Variants in QSOX2 observed in about 807,000 individuals in gnomAD.
QSOX2 encodes sulfhydryl oxidase 2.
QSOX2 carries 46 observed loss-of-function variants against 61.7 expected under a neutral mutation model. That is an observed-to-expected ratio of 0.75 (90% CI 0.59 to 0.95). The LOEUF (loss-of-function observed/expected upper bound fraction) is 0.95, where lower values mean the gene tolerates loss of function less well. Ranked by LOEUF, QSOX2 falls within the 40% of genes least tolerant of loss-of-function variation. The pLI, the probability that QSOX2 is intolerant of heterozygous loss-of-function variation, is 0.00. For missense variants in QSOX2, 879 were observed against 918.9 expected, an observed-to-expected ratio of 0.96 and a Z score of 0.56; for synonymous variants, 383 against 388.4, an observed-to-expected ratio of 0.99 and a Z score of 0.16.
At chr9:136,213,582 C>T (rs565698682) in intron 10 of QSOX2, among the ~76,000 whole-genome samples, 70 of 151,940 alleles carry the variant, frequency 4.6e-4, no homozygotes, top group African/African-American at 5.8e-4. Context: ...ACCAGACCCC[C>T]GAGAAGCAGT....
intron 1 of QSOX2, among the ~76,000 whole-genome samples, chr9:136,238,829 G>C (rs1460782548): frequency 6.6e-6 from 1 of 152,236 alleles, no homozygotes; most frequent in East Asian, 1.9e-4. Flanking sequence ...GGGACCTCGT[G>C]GTTGCCCCCT....
rs148735257 is a variant in QSOX2 at position 136,208,869 on chromosome 9, G to C, written c.1956C>G (p.Leu652=). The C allele has an allele frequency of 1.2e-6, 2 of 1,613,984 alleles. No homozygotes were observed. Among genetic ancestry groups the C allele is most frequent in the African/African-American group, 1.3e-5 (1 of 75,032 alleles). ...TGTCCAGGCTGGAGAAGTCAACCCC[G>C]AGGAAGGGTGCGGCCCCGCCCACCT... ...HKEVGGAAPF[L]GVDFSSLDMS... is the part of the protein sequence containing the mutation. The change falls in exon 12 of 12, where the codon CTC becomes CTG. Residue 652 remains leucine (L), a synonymous_variant. Coordinates refer to ENST00000358701, the MANE Select transcript of QSOX2 (RefSeq NM_181701.4).
chr9:136,232,312 G>C (rs568157419), intron 1 of QSOX2, among the ~76,000 whole-genome samples: 1 of 152,264 alleles, frequency 6.6e-6, no homozygotes, highest in East Asian at 1.9e-4. Flanking sequence ...ATGGGAAGGG[G>C]TCACCTTGAC....
intron 7 of QSOX2, 22 bp from the exon 8 acceptor site, chr9:136,218,830 TC>T: frequency 5.6e-6 from 9 of 1,608,344 alleles, no homozygotes; most frequent in Non-Finnish European, 7.6e-6. Flanking sequence ...TATGGCAGCG[TC>T]AGGGAATGCC....
chr9:136,239,253 G>A (rs941580655), intron 1 of QSOX2, among the ~76,000 whole-genome samples: 5 of 152,200 alleles, frequency 3.3e-5, no homozygotes, highest in Non-Finnish European at 7.4e-5. Context: ...AGTGATCACG[G>A]CTCACTGCAG....
Position 136,245,509 on chromosome 9 carries a change from G to C in QSOX2, c.295C>G (p.Pro99Ala). ...TCCCCAGCCAGGGCCCGCCAAGTGG[G>C]CGCGTAGCCGATGCAGTGGCCACAC... ...SWCGHCIGYAPTWRALAGDVR... is the reference protein window; with the variant it reads ...SWCGHCIGYAATWRALAGDVR... Residue 99 changes from proline to alanine, a missense_variant, in exon 1 of 12, where the codon CCC becomes GCC. Coordinates refer to ENST00000358701, the MANE Select transcript of QSOX2 (RefSeq NM_181701.4). 2 of 1,594,034 alleles carry C rather than the reference G, an allele frequency of 1.3e-6. No homozygotes were observed. Among genetic ancestry groups the C allele is most frequent in the Non-Finnish European group, 1.7e-6 (2 of 1,177,480 alleles).
intron 9 of QSOX2, 55 bp from the exon 10 acceptor site, chr9:136,215,359 T>A: frequency 7.6e-7 from 1 of 1,314,532 alleles, no homozygotes; most frequent in Non-Finnish European, 1.0e-6. Context: ...TTGTTGAAAT[T>A]AAAAACAGTC....
chr9:136,211,168 G>A, intron 11 of QSOX2, 96 bp downstream of exon 11: 1 of 1,362,996 alleles, frequency 7.3e-7, no homozygotes, highest in Admixed American at 1.9e-5. Flanking sequence ...GCAAAGCTCA[G>A]GGACAAGCCC....
In QSOX2 at chr9:136,208,293, G is replaced by GAGGGTGCAGGGAGGGCCAAGGTGGGGGGC. The variant is rs1554755634; in HGVS notation, c.*434_*435insGCCCCCCACCTTGGCCCTCCCTGCACCCT. On this transcript the variant is annotated 3_prime_UTR_variant, in exon 12 of 12. Coordinates refer to ENST00000358701, the MANE Select transcript of QSOX2 (RefSeq NM_181701.4). ...GGGGGGAGGGGGAGCGAGGGGAGTG[G>GAGGGTGCAGGGAGGGCCAAGGTGGGGGGC]GGGGGAGCCAGGAGCCGCGGGGGGG... is the stretch of plus-strand genomic sequence containing the variant. 2 of 132,696 alleles carry GAGGGTGCAGGGAGGGCCAAGGTGGGGGGC rather than the reference G, an allele frequency of 1.5e-5. No individual in the cohort carries two copies. Among genetic ancestry groups the GAGGGTGCAGGGAGGGCCAAGGTGGGGGGC allele is most frequent in the African/African-American group, 5.6e-5 (2 of 35,786 alleles). 8.2% of individuals were successfully genotyped at this position (132,696 alleles called of 1,614,324 possible). A position where few individuals can be genotyped will look rare whatever the true frequency, so the allele number is the denominator to read the frequency against.
At chr9:136,245,338 G>T (rs1830463042) in intron 1 of QSOX2, 138 bp downstream of exon 1, 2 of 721,300 alleles carry the variant, frequency 2.8e-6, no homozygotes, top group Non-Finnish European at 4.4e-6. Context: ...TGCCTCTGTG[G>T]GGCAGGGACT....
chr9:136,232,299 C>CA (rs1484556182), intron 1 of QSOX2, among the ~76,000 whole-genome samples: 1 of 152,156 alleles, frequency 6.6e-6, no homozygotes, highest in African/African-American at 2.4e-5. Context: ...CTCTTCGTGA[C>CA]ACATGGGAAG....
At chr9:136,228,511 G>A (rs577552058) in intron 1 of QSOX2, among the ~76,000 whole-genome samples, 7 of 152,330 alleles carry the variant, frequency 4.6e-5, no homozygotes, top group African/African-American at 1.2e-4. Flanking sequence ...CACTCTGTAG[G>A]GGTCCTTCCA....
At position 136,216,732 on chromosome 9, in the gene QSOX2, G is replaced by T; in HGVS notation, c.1087-10C>A. On this transcript the variant is annotated splice_polypyrimidine_tract_variant and intron_variant, in intron 8 of 11. Coordinates refer to ENST00000358701, the MANE Select transcript of QSOX2 (RefSeq NM_181701.4). ...GCCGTCCAGGGAACAGCTGCATGAG[G>T]AAGGAGCCACCTGAGAGCTACAGAC... 6.2e-7 allele frequency: 1 copy of T among 1,612,856 alleles called. No homozygotes were observed.
At chr9:136,212,089 G>C (rs956356130) in intron 10 of QSOX2, among the ~76,000 whole-genome samples, 1 of 152,232 alleles carries the variant, frequency 6.6e-6, no homozygotes, top group Non-Finnish European at 1.5e-5. Context: ...GCCACCGAAC[G>C]TATTAACAGA....
At chr9:136,245,395 G>C in intron 1 of QSOX2, 81 bp downstream of exon 1, 1 of 1,226,072 alleles carries the variant, frequency 8.2e-7, no homozygotes, top group Non-Finnish European at 1.1e-6. Context: ...CCCGGGACCC[G>C]CCTTCTGGGG....
At chr9:136,227,198 C>T (rs564542333) in intron 1 of QSOX2, among the ~76,000 whole-genome samples, 6 of 152,296 alleles carry the variant, frequency 3.9e-5, no homozygotes, top group East Asian at 3.9e-4. Flanking sequence ...GTAACAGACG[C>T]GGCTGTCAGC....
At chr9:136,212,852 C>T (rs1831863617) in intron 10 of QSOX2, among the ~76,000 whole-genome samples, 1 of 152,232 alleles carries the variant, frequency 6.6e-6, no homozygotes, top group East Asian at 1.9e-4. Context: ...AAAAACCTTC[C>T]AAGACTTAAT....
chr9:136,212,410 G>A (rs1831857695), intron 10 of QSOX2, among the ~76,000 whole-genome samples: 1 of 152,272 alleles, frequency 6.6e-6, no homozygotes, highest in Admixed American at 6.5e-5. Context: ...TCCCGCGTGA[G>A]TGCAGGCCTG....
rs907774752 is a variant in QSOX2, at chr9:136,221,330, A to G, written c.821+466T>C. ...CCAAGGTTCTGCAGTTCTTAGAGAA[A>G]GAGCAGAACGTGAGGGGCAGGGCCT... On this transcript the variant is annotated intron_variant, in intron 6 of 11. Transcript: ENST00000358701. The surrounding 1 kb of genome is among the most constrained non-coding windows in gnomAD (Gnocchi z 4.5). 1.3e-5 allele frequency among the ~76,000 whole-genome samples: 2 copies of G among 152,218 alleles called. No individual in the cohort carries two copies. Among genetic ancestry groups the G allele is most frequent in the African/African-American group, 4.8e-5 (2 of 41,456 alleles).
Sources: allele counts gnomAD v4.1 joint callset (sites outside exome capture counted in the v4.1 genomes callset), GRCh38; gene constraint gnomAD v4.1.1; non-coding constraint Gnocchi (gnomAD v3.1); transcripts MANE v1.5; gene names NCBI Gene and HGNC (gene_info 2026-07-23, HGNC 2026-07-21).